Variants in CTNND2 observed in about 807,000 individuals in gnomAD.
CTNND2 encodes catenin delta 2, also known as catenin delta-2.
CTNND2 carries 22 observed loss-of-function variants against 144.4 expected under a neutral mutation model. That is an observed-to-expected ratio of 0.15 (90% CI 0.11 to 0.22). The LOEUF is 0.22. Ranked by LOEUF, CTNND2 falls within the 10% of genes least tolerant of loss-of-function variation. CTNND2 has a pLI of 1.00. For synonymous variants in CTNND2, 751 were observed against 695.6 expected, an observed-to-expected ratio of 1.08 and a Z score of -1.25; for missense variants, 1,353 against 1,618.8, an observed-to-expected ratio of 0.84 and a Z score of 2.82.
intron 2 of CTNND2, among the ~76,000 whole-genome samples, chr5:11,675,906 T>C (rs900610352): frequency 1.3e-5 from 2 of 151,668 alleles, no homozygotes; most frequent in African/African-American, 4.8e-5. Context: ...CTGATATTTG[T>C]ATATGCTTCA....
chr5:11,840,702 A>G (rs1561848762), intron 1 of CTNND2, among the ~76,000 whole-genome samples: 1 of 152,154 alleles, frequency 6.6e-6, no homozygotes, highest in African/African-American at 2.4e-5. Flanking sequence ...AAGTCTCCAG[A>G]ATCAGCATTC....
chr5:11,448,370 T>A (rs61753757), intron 3 of CTNND2, among the ~76,000 whole-genome samples: 45 of 152,236 alleles, frequency 3.0e-4, no homozygotes, highest in African/African-American at 1.0e-3. Flanking sequence ...AGAAAAAAAA[T>A]TTCAGTAGCC....
chr5:11,274,028 G>A (rs962685873), intron 9 of CTNND2, among the ~76,000 whole-genome samples: 1 of 152,098 alleles, frequency 6.6e-6, no homozygotes, highest in African/African-American at 2.4e-5. Context: ...TATTTCGACT[G>A]CTCCTGCTTC....
Position 11,364,627 on chromosome 5 carries a change from G to C in CTNND2, c.1372+69C>G, listed in dbSNP as rs191668396. On this transcript the variant is annotated intron_variant, in intron 8 of 21. Transcript: ENST00000304623. ...AGACACACACCTTTCATTTGGGAGT[G>C]TTATTGAAGCTCCCGCGCAGAGCCC... 7,192 of 1,292,934 alleles carry C rather than the reference G, an allele frequency of 5.6e-3. 23 individuals carry two copies. The highest frequency in any genetic ancestry group is 6.7e-3 in the Non-Finnish European group (6,446 of 961,364). The allele number at this position is 1,292,934 out of a possible 1,614,324, so 80.1% of individuals were successfully genotyped here. A position where few individuals can be genotyped will look rare whatever the true frequency, so the allele number is the denominator to read the frequency against.
At position 11,903,396 on chromosome 5, in the gene CTNND2, A is replaced by G. The variant is rs1175956645; in HGVS notation, c.37+421T>C. On this transcript the variant is annotated intron_variant, in intron 1 of 21. Coordinates refer to ENST00000304623, the MANE Select transcript of CTNND2 (RefSeq NM_001332.4). This position sits in a 1 kb window ranked among gnomAD's most constrained non-coding sequence, Gnocchi z 5.4. ...GCCAAACATCGTAATGACATTGAACATAAGGGCAAAAGACTGGAGGGAAGT... is the reference window on the plus strand; with the variant it reads ...GCCAAACATCGTAATGACATTGAACGTAAGGGCAAAAGACTGGAGGGAAGT... The G allele has an allele frequency of 6.9e-6, 7 of 1,020,512 alleles. No individual in the cohort carries two copies. Among genetic ancestry groups the G allele is most frequent in the Middle Eastern group, 4.7e-4 (1 of 2,134 alleles). The allele number at this position is 1,020,512 out of a possible 1,614,324, so 63.2% of individuals were successfully genotyped here. A position where few individuals can be genotyped will look rare whatever the true frequency, so the allele number is the denominator to read the frequency against.
chr5:11,405,046 G>C (rs527579192), intron 5 of CTNND2, among the ~76,000 whole-genome samples: 1 of 152,154 alleles, frequency 6.6e-6, no homozygotes, highest in Non-Finnish European at 1.5e-5. Flanking sequence ...GGCTGGCAGC[G>C]TCTTTGCTTT....
intron 2 of CTNND2, among the ~76,000 whole-genome samples, chr5:11,612,911 A>G (rs1031013740): frequency 7.7e-4 from 118 of 152,310 alleles, no homozygotes; most frequent in African/African-American, 2.7e-3. Flanking sequence ...ATATAAATAA[A>G]TAAATAAAAT....
chr5:11,109,110 G>A (rs1329652604), intron 14 of CTNND2, among the ~76,000 whole-genome samples: 2 of 152,080 alleles, frequency 1.3e-5, no homozygotes, highest in Non-Finnish European at 2.9e-5. Context: ...TGTCCAAAAC[G>A]GACTAGAGAA....
intron 20 of CTNND2, among the ~76,000 whole-genome samples, chr5:10,986,464 T>C (rs1579954184): frequency 6.6e-6 from 1 of 152,204 alleles, no homozygotes. Flanking sequence ...TAACTGCACA[T>C]TGAAAGGGTC....
chr5:11,595,443 A>G (rs903481819), intron 2 of CTNND2, among the ~76,000 whole-genome samples: 3 of 152,226 alleles, frequency 2.0e-5, no homozygotes, highest in Admixed American at 6.5e-5. Flanking sequence ...CTAGCAGTGT[A>G]GGGTATATTA....
At chr5:11,149,961 T>G (rs918670472) in intron 12 of CTNND2, among the ~76,000 whole-genome samples, 5 of 152,270 alleles carry the variant, frequency 3.3e-5, no homozygotes, top group South Asian at 2.1e-4. Flanking sequence ...TTACAAGACT[T>G]AAGGAGTAAT....
intron 2 of CTNND2, among the ~76,000 whole-genome samples, chr5:11,696,095 T>G (rs1338385867): frequency 1.3e-5 from 2 of 152,230 alleles, no homozygotes; most frequent in Non-Finnish European, 2.9e-5. Flanking sequence ...GCACACTCTT[T>G]CTGCAAGGGG....
At chr5:11,104,511 A>G (rs1015777776) in intron 14 of CTNND2, among the ~76,000 whole-genome samples, 8 of 152,154 alleles carry the variant, frequency 5.3e-5, no homozygotes, top group Non-Finnish European at 8.8e-5. Flanking sequence ...GAGTTATTAC[A>G]TAATTTGCCT....
At chr5:11,864,092 C>T (rs2127032336) in intron 1 of CTNND2, among the ~76,000 whole-genome samples, 1 of 152,210 alleles carries the variant, frequency 6.6e-6, no homozygotes, top group Non-Finnish European at 1.5e-5. Flanking sequence ...TGTCCACGTC[C>T]TAATTACTGC....
intron 1 of CTNND2, among the ~76,000 whole-genome samples, chr5:11,782,471 G>A (rs545341180): frequency 6.0e-4 from 92 of 152,280 alleles, no homozygotes; most frequent in Non-Finnish European, 1.2e-3. Flanking sequence ...ATAAAGGTCT[G>A]AGAAAAGGAC....
At chr5:11,573,860 C>A (rs1217224532) in intron 2 of CTNND2, among the ~76,000 whole-genome samples, 1 of 152,114 alleles carries the variant, frequency 6.6e-6, no homozygotes, top group Non-Finnish European at 1.5e-5. Context: ...TTTGCTCTGC[C>A]ATTTTCTCTT....
Position 11,170,572 on chromosome 5 carries a change from A to G in CTNND2, c.1976-10813T>C, listed in dbSNP as rs191644192. On this transcript the variant is annotated intron_variant, in intron 11 of 21. Coordinates refer to ENST00000304623, the MANE Select transcript of CTNND2 (RefSeq NM_001332.4). ...CCGACCTCTACTAAAACACACATAC[A>G]CACACATACACACACACATACACAC... 2.3e-3 allele frequency among the ~76,000 whole-genome samples: 355 copies of G among 151,888 alleles called. 3 individuals carry two copies. The highest frequency in any genetic ancestry group is 8.1e-3 in the African/African-American group (335 of 41,344).
At chr5:11,870,529 G>A (rs1735015221) in intron 1 of CTNND2, among the ~76,000 whole-genome samples, 1 of 152,210 alleles carries the variant, frequency 6.6e-6, no homozygotes, top group Non-Finnish European at 1.5e-5. Flanking sequence ...CCTGACTTAA[G>A]TAAGCTCGAG....
intron 2 of CTNND2, among the ~76,000 whole-genome samples, chr5:11,572,122 C>T (rs1024419935): frequency 2.6e-5 from 4 of 152,100 alleles, no homozygotes; most frequent in African/African-American, 9.7e-5. Context: ...ACTTGGCAAG[C>T]TCAGGGCAAA....
Sources: allele counts gnomAD v4.1 joint callset (sites outside exome capture counted in the v4.1 genomes callset), GRCh38; gene constraint gnomAD v4.1.1; non-coding constraint Gnocchi (gnomAD v3.1); transcripts MANE v1.5; gene names NCBI Gene and HGNC (gene_info 2026-07-23, HGNC 2026-07-21).